ZDHHC14: variants seen among roughly 807,000 people sequenced by gnomAD.
The protein encoded by ZDHHC14 is zDHHC palmitoyltransferase 14, also known as palmitoyltransferase ZDHHC14.
Under a neutral mutation model 47.7 loss-of-function variants are expected in ZDHHC14, and 16 were observed. The observed-to-expected ratio is 0.34, with a 90% confidence interval of 0.23 to 0.51. The LOEUF (loss-of-function observed/expected upper bound fraction) is 0.51. Ranked by LOEUF, ZDHHC14 falls within the 20% of genes least tolerant of loss-of-function variation. ZDHHC14 has a pLI of 0.97. For missense variants in ZDHHC14, 515 were observed against 662.5 expected (o/e 0.78, Z 2.44); for synonymous variants, 293 against 278.9 (o/e 1.05, Z -0.50).
At chr6:157,459,341 A>T (rs182366652) in intron 1 of ZDHHC14, among the ~76,000 whole-genome samples, 1 of 152,242 alleles carries the variant, frequency 6.6e-6, no homozygotes, top group Admixed American at 6.5e-5. Context: ...AAAATAAGAG[A>T]TCCCCTTCTT....
At chr6:157,579,711 T>C (rs1783446916) in intron 2 of ZDHHC14, among the ~76,000 whole-genome samples, 1 of 152,216 alleles carries the variant, frequency 6.6e-6, no homozygotes, top group African/African-American at 2.4e-5. Flanking sequence ...TGTATAGGAA[T>C]GCTACTGATT....
chr6:157,447,372 G>A (rs899629843), intron 1 of ZDHHC14, among the ~76,000 whole-genome samples: 5 of 152,190 alleles, frequency 3.3e-5, no homozygotes, highest in Non-Finnish European at 7.3e-5. Context: ...GCACCCGGGG[G>A]CGGAAACTCC....
At chr6:157,623,811 A>G (rs1583033870) in intron 3 of ZDHHC14, among the ~76,000 whole-genome samples, 1 of 152,096 alleles carries the variant, frequency 6.6e-6, no homozygotes, top group South Asian at 2.1e-4. Context: ...GCCTCCCAAA[A>G]TGCTGGGATT....
intron 1 of ZDHHC14, among the ~76,000 whole-genome samples, chr6:157,415,330 G>A (rs1340720835): frequency 6.6e-6 from 1 of 151,636 alleles, no homozygotes; most frequent in Non-Finnish European, 1.5e-5. Context: ...GGATAGGAAG[G>A]TATTTAAAAA....
In ZDHHC14 at chr6:157,418,870, T is replaced by C. The variant is rs190139806; in HGVS notation, c.245+36604T>C. Among the ~76,000 whole-genome samples the C allele has an allele frequency of 2.0e-3, 303 of 152,362 alleles. 1 individual carries two copies. Among genetic ancestry groups the C allele is most frequent in the Non-Finnish European group, 3.5e-3 (236 of 68,026 alleles). On this transcript the variant is annotated intron_variant, in intron 1 of 8. Transcript: ENST00000359775. ...CACATATGTCCAAGATAAGGCTATT[T>C]AAAGACAGAGTTACTAAGCTGGGTA...
intron 3 of ZDHHC14, among the ~76,000 whole-genome samples, chr6:157,620,216 G>T (rs1479823436): frequency 1.3e-5 from 2 of 152,304 alleles, no homozygotes; most frequent in Admixed American, 1.3e-4. Flanking sequence ...CCTTCTTGCT[G>T]ATGGGGACAC....
chr6:157,494,474 A>G (rs1229395775), intron 1 of ZDHHC14, among the ~76,000 whole-genome samples: 1 of 152,202 alleles, frequency 6.6e-6, no homozygotes, highest in African/African-American at 2.4e-5. Flanking sequence ...TTCCACTTGA[A>G]AGATGGTGAA....
chr6:157,506,874 A>C (rs1329873675), intron 1 of ZDHHC14, among the ~76,000 whole-genome samples: 1 of 152,034 alleles, frequency 6.6e-6, no homozygotes, highest in Non-Finnish European at 1.5e-5. Flanking sequence ...GAATGTGGCC[A>C]TTGATAAGTG....
At chr6:157,666,861 C>T (rs1778575756) in intron 8 of ZDHHC14, among the ~76,000 whole-genome samples, 1 of 152,196 alleles carries the variant, frequency 6.6e-6, no homozygotes, top group Non-Finnish European at 1.5e-5. Flanking sequence ...TGTATGACTT[C>T]CAGACATCTG....
intron 2 of ZDHHC14, among the ~76,000 whole-genome samples, chr6:157,566,051 A>G (rs948950410): frequency 6.6e-6 from 1 of 152,216 alleles, no homozygotes; most frequent in Non-Finnish European, 1.5e-5. Context: ...AGATGAAAGA[A>G]TGCAATTTCC....
At chr6:157,492,958 A>G (rs1440039272) in intron 1 of ZDHHC14, among the ~76,000 whole-genome samples, 1 of 152,106 alleles carries the variant, frequency 6.6e-6, no homozygotes, top group Non-Finnish European at 1.5e-5. Context: ...CAAGGAGATA[A>G]GATATTACAG....
chr6:157,434,688 AGTGT>A (rs1387761414), intron 1 of ZDHHC14, among the ~76,000 whole-genome samples: 2 of 152,136 alleles, frequency 1.3e-5, no homozygotes, highest in Admixed American at 6.5e-5. Flanking sequence ...AATGTTTGTC[AGTGT>A]GGTTGGGCCA....
rs1480032109 is a variant in ZDHHC14 at position 157,595,810 on chromosome 6, G to GC, written c.565+2666dup. Among the ~76,000 whole-genome samples, 5 of 152,322 alleles carry GC rather than the reference G, an allele frequency of 3.3e-5. 1 individual carries two copies. The highest frequency in any genetic ancestry group is 6.5e-5 in the Admixed American group (1 of 15,300). On this transcript the variant is annotated intron_variant, in intron 3 of 8. Coordinates refer to ENST00000359775, the MANE Select transcript of ZDHHC14 (RefSeq NM_024630.3). ...CAGGCTATAATAGGCCAGGAGCCAG[G>GC]CCTCCACCTTTCTGGTAAATCAAAG... is the stretch of plus-strand genomic sequence containing the variant.
chr6:157,628,627 C>A lies in ZDHHC14; in HGVS notation c.703+141C>A, dbSNP rs1785533773. 8 of 1,149,732 alleles carry A rather than the reference C, an allele frequency of 7.0e-6. No homozygotes were observed. In the South Asian group the frequency reaches 1.2e-4, roughly 18 times the overall value. 71.2% of individuals were successfully genotyped at this position (1,149,732 alleles called of 1,614,324 possible). A position where few individuals can be genotyped will look rare whatever the true frequency, so the allele number is the denominator to read the frequency against. On this transcript the variant is annotated intron_variant, in intron 4 of 8. Transcript: ENST00000359775. ...CTCCCTTTCCCCTCCTCACTTCCAG[C>A]CTGCCTCGCTTTTGTTTCTCACCCT...
At chr6:157,467,640 C>A (rs1379926573) in intron 1 of ZDHHC14, among the ~76,000 whole-genome samples, 1 of 151,834 alleles carries the variant, frequency 6.6e-6, no homozygotes, top group Non-Finnish European at 1.5e-5. Context: ...ACCTCCATCT[C>A]CCGGGTTCAA....
Position 157,628,446 on chromosome 6 carries a change from A to T in ZDHHC14, c.663A>T (p.Thr221=). The part of the protein sequence containing the change: ...YMFILSLSFL[T]VFIFAFVITH... ...TTATTTTATCTCTGTCTTTTCTGAC[A>T]GTCTTTATATTTGCATTCGTTATCA... Residue 221 remains threonine, a synonymous_variant, in exon 4 of 9, where the codon ACA becomes ACT. Transcript: ENST00000359775. 1 of 1,613,030 alleles carries T rather than the reference A, an allele frequency of 6.2e-7. No homozygotes were observed. The highest frequency in any genetic ancestry group is 8.5e-7 in the Non-Finnish European group (1 of 1,179,828).
At chr6:157,420,797 G>A (rs1322924246) in intron 1 of ZDHHC14, among the ~76,000 whole-genome samples, 1 of 152,212 alleles carries the variant, frequency 6.6e-6, no homozygotes, top group Non-Finnish European at 1.5e-5. Flanking sequence ...CTGCTTGAAT[G>A]GAGAGATGTG....
At chr6:157,568,168 C>A (rs1169990663) in intron 2 of ZDHHC14, among the ~76,000 whole-genome samples, 1 of 152,126 alleles carries the variant, frequency 6.6e-6, no homozygotes, top group African/African-American at 2.4e-5. Context: ...TTGTAGGGAA[C>A]CAATTTCTTT....
chr6:157,639,132 A>T (rs1232637532), intron 5 of ZDHHC14, among the ~76,000 whole-genome samples: 1 of 152,224 alleles, frequency 6.6e-6, no homozygotes, highest in Non-Finnish European at 1.5e-5. Context: ...TTACACACCC[A>T]AGTGTGCGAC....
Sources: gnomAD v4.1 joint callset for allele counts (sites outside exome capture counted in the v4.1 genomes callset) on GRCh38, gnomAD v4.1.1 for gene constraint, MANE v1.5 for transcripts, NCBI Gene and HGNC (gene_info 2026-07-23, HGNC 2026-07-21) for gene names.